Variants in PLD1 observed in about 807,000 individuals in gnomAD.
PLD1 encodes the protein phospholipase D1.
Under a neutral mutation model 137.1 loss-of-function variants are expected in PLD1, and 112 were observed. The observed-to-expected ratio is 0.82, with a 90% CI of 0.70 to 0.96. The LOEUF (loss-of-function observed/expected upper bound fraction) is 0.96, where lower values mean the gene tolerates loss of function less well. Among genes scored for constraint, PLD1 ranks in the 40% least tolerant of loss-of-function variants. PLD1 has a pLI of 0.00. For synonymous variants in PLD1, 431 were observed against 454.7 expected, an observed-to-expected ratio of 0.95 and a Z score of 0.66; for missense variants, 1,321 against 1,342.0, an observed-to-expected ratio of 0.98 and a Z score of 0.24.
At chr3:171,611,188 T>G (rs1209165771) in intron 25 of PLD1, among the ~76,000 whole-genome samples, 1 of 152,182 alleles carries the variant, frequency 6.6e-6, no homozygotes, top group Non-Finnish European at 1.5e-5. Flanking sequence ...AAAATTGCAT[T>G]ATGGCAAATA....
At chr3:171,755,974 C>T (rs1047597083) in intron 1 of PLD1, among the ~76,000 whole-genome samples, 3 of 152,204 alleles carry the variant, frequency 2.0e-5, no homozygotes, top group African/African-American at 7.2e-5. Flanking sequence ...TACCCAGCTG[C>T]ATAAACCAGA....
intron 23 of PLD1, among the ~76,000 whole-genome samples, chr3:171,621,128 C>T (rs1475225896): frequency 6.6e-6 from 1 of 152,058 alleles, no homozygotes; most frequent in East Asian, 1.9e-4. Context: ...AATTAGGAAA[C>T]AGAAGAATCC....
intron 21 of PLD1, among the ~76,000 whole-genome samples, chr3:171,655,699 A>G (rs1263909209): frequency 1.3e-5 from 2 of 152,194 alleles, no homozygotes; most frequent in African/African-American, 4.8e-5. Flanking sequence ...ACACAAGCTC[A>G]CAGATTTGAA....
At chr3:171,613,852 T>C (rs1290472157) in intron 24 of PLD1, among the ~76,000 whole-genome samples, 4 of 152,186 alleles carry the variant, frequency 2.6e-5, no homozygotes, top group Admixed American at 2.6e-4. Flanking sequence ...ATTCATGCAT[T>C]TGAATCCTTG....
intron 1 of PLD1, among the ~76,000 whole-genome samples, chr3:171,770,771 C>T (rs2108329801): frequency 6.6e-6 from 1 of 151,370 alleles, no homozygotes; most frequent in African/African-American, 2.4e-5. Context: ...CACCTGTAAT[C>T]CCAGCTATTC....
intron 23 of PLD1, among the ~76,000 whole-genome samples, chr3:171,636,796 A>G (rs1277324266): frequency 6.6e-6 from 1 of 152,138 alleles, no homozygotes; most frequent in East Asian, 1.9e-4. Context: ...AACCTCCAGT[A>G]CGATGTTGAC....
rs140042282 is a variant in PLD1, at chr3:171,693,923, T to C, written c.1228-1481A>G. On this transcript the variant is annotated intron_variant, in intron 12 of 26. Coordinates refer to ENST00000351298, the MANE Select transcript of PLD1 (RefSeq NM_002662.5). ...ACTTTACAAGAACTAAAACTTTTTGTAATGCTATACGATCTAACATAACAT... is the reference window on the plus strand; with the variant it reads ...ACTTTACAAGAACTAAAACTTTTTGCAATGCTATACGATCTAACATAACAT... 4.6e-3 allele frequency among the ~76,000 whole-genome samples: 708 copies of C among 152,310 alleles called. 5 individuals carry two copies. Among genetic ancestry groups the C allele is most frequent in the African/African-American group, 0.016 (669 of 41,582 alleles).
chr3:171,755,552 A>G (rs943333481), intron 1 of PLD1, among the ~76,000 whole-genome samples: 2 of 152,118 alleles, frequency 1.3e-5, no homozygotes, highest in African/African-American at 2.4e-5. Flanking sequence ...CAAAATTTAC[A>G]TGCTAATATT....
chr3:171,660,103 A>C (rs1737543782), intron 20 of PLD1, among the ~76,000 whole-genome samples: 1 of 152,230 alleles, frequency 6.6e-6, no homozygotes, highest in African/African-American at 2.4e-5. Context: ...TCTGTAATTT[A>C]TAAGGACAAT....
At chr3:171,682,678 G>A (rs1412262619) in intron 16 of PLD1, among the ~76,000 whole-genome samples, 6 of 151,844 alleles carry the variant, frequency 4.0e-5, no homozygotes, top group Admixed American at 6.6e-5. Context: ...TTTCTTTTTT[G>A]AAAACAAGTT....
intron 21 of PLD1, among the ~76,000 whole-genome samples, chr3:171,648,495 G>A (rs1005698801): frequency 6.6e-6 from 1 of 151,444 alleles, no homozygotes; most frequent in Non-Finnish European, 1.5e-5. Flanking sequence ...ACACTTTTCT[G>A]AACATGATTT....
chr3:171,709,734 A>G lies in PLD1; in HGVS notation c.912-25T>C, dbSNP rs1300597424. On this transcript the variant is annotated intron_variant, in intron 9 of 26. Coordinates refer to ENST00000351298, the MANE Select transcript of PLD1 (RefSeq NM_002662.5). ...CCTTTAAAGAAAAAGCCAAATATTG[A>G]AAAGACTGGTCACTCTGTTCTATCT... The G allele has an allele frequency of 2.5e-6, 4 of 1,602,970 alleles. No individual in the cohort carries two copies. The African/African-American group carries it at 5.4e-5, about 22-fold the overall frequency.
chr3:171,808,398 T>G (rs571302634), intron 1 of PLD1, among the ~76,000 whole-genome samples: 1 of 152,122 alleles, frequency 6.6e-6, no homozygotes, highest in East Asian at 1.9e-4. Flanking sequence ...CAACCGGGCG[T>G]GGCAGCAGGC....
intron 9 of PLD1, among the ~76,000 whole-genome samples, chr3:171,711,427 C>T (rs918379419): frequency 6.6e-6 from 1 of 152,000 alleles, no homozygotes; most frequent in African/African-American, 2.4e-5. Flanking sequence ...CCTCGGCCTC[C>T]CAAAGTGCTG....
At chr3:171,618,139 A>C (rs1733273765) in intron 24 of PLD1, among the ~76,000 whole-genome samples, 1 of 152,148 alleles carries the variant, frequency 6.6e-6, no homozygotes, top group Admixed American at 6.5e-5. Context: ...CCAGCCTCCA[A>C]GGACTAGCAA....
intron 1 of PLD1, among the ~76,000 whole-genome samples, chr3:171,782,886 CAG>C (rs1243413872): frequency 6.6e-6 from 1 of 152,078 alleles, no homozygotes; most frequent in Non-Finnish European, 1.5e-5. Context: ...AGCTAGTGGG[CAG>C]AAACTATGGA....
At chr3:171,764,924 G>GAAAGAAAGGAAGGAAGGAAA (rs370464837) in intron 1 of PLD1, among the ~76,000 whole-genome samples, 12 of 20,448 alleles carry the variant, frequency 5.9e-4, no homozygotes, top group East Asian at 1.7e-3. Flanking sequence ...AAGAAAGAAA[G>GAAAGAAAGGAAGGAAGGAAA]GAAAGAAAGG....
intron 9 of PLD1, among the ~76,000 whole-genome samples, chr3:171,710,869 G>GTTTTTTTTTTTTTTTTT (rs1281179100): frequency 1.0e-5 from 1 of 98,678 alleles, no homozygotes; most frequent in African/African-American, 5.5e-5. Context: ...TAGGAAAACT[G>GTTTTTTTTTTTTTTTTT]TTCTTTTTTT....
chr3:171,724,715 A>T lies in PLD1; in HGVS notation c.739T>A (p.Cys247Ser). The change falls in exon 8 of 27, where the codon TGC becomes AGC. Residue 247 changes from cysteine to serine, a missense_variant. By Grantham distance (112) the Cys-to-Ser change is moderately radical. Coordinates refer to ENST00000351298, the MANE Select transcript of PLD1 (RefSeq NM_002662.5). ...TCCTACCTTTTTGACCATCTGTAGCAGGCTCTTCCCTGACCACAGCAATTC... is the reference window on the plus strand; with the variant it reads ...TCCTACCTTTTTGACCATCTGTAGCTGGCTCTTCCCTGACCACAGCAATTC... ...GLNCCGQGRACYRWSKRWLIV... is the reference protein window; with the variant it reads ...GLNCCGQGRASYRWSKRWLIV... 1 of 1,605,540 alleles carries T rather than the reference A, an allele frequency of 6.2e-7. No homozygotes were observed. The highest frequency in any genetic ancestry group is 8.5e-7 in the Non-Finnish European group (1 of 1,172,586).
Sources: allele counts gnomAD v4.1 joint callset (sites outside exome capture counted in the v4.1 genomes callset), GRCh38; gene constraint gnomAD v4.1.1; transcripts MANE v1.5; gene names NCBI Gene and HGNC (gene_info 2026-07-23, HGNC 2026-07-21).